Variants in ASPH observed in about 807,000 individuals in gnomAD.
The protein encoded by ASPH is aspartate beta-hydroxylase, also known as aspartyl/asparaginyl beta-hydroxylase.
A neutral mutation model predicts 118.4 loss-of-function variants in ASPH; 100 were observed. That is an observed-to-expected ratio of 0.84 (90% confidence interval 0.72 to 1.00). ASPH has a LOEUF of 1.00. Ranked by LOEUF, ASPH falls within the 50% of genes least tolerant of loss-of-function variation. ASPH has a pLI of 0.00. For synonymous variants in ASPH, 315 were observed against 325.6 expected, an observed-to-expected ratio of 0.97 and a Z score of 0.35; for missense variants, 920 against 919.5, an observed-to-expected ratio of 1.00 and a Z score of -0.01.
chr8:61,529,475 T>C (rs1046893392), intron 21 of ASPH, among the ~76,000 whole-genome samples: 2 of 152,028 alleles, frequency 1.3e-5, no homozygotes, highest in Non-Finnish European at 2.9e-5. Flanking sequence ...CCTGATGACA[T>C]GTGTTTGAAG....
At chr8:61,574,695 T>G (rs1237628326) in intron 16 of ASPH, among the ~76,000 whole-genome samples, 2 of 151,974 alleles carry the variant, frequency 1.3e-5, no homozygotes, top group Non-Finnish European at 2.9e-5. Context: ...CCGCGGCCTG[T>G]CGGGTGGGGG....
chr8:61,702,038 T>C (rs1163416763), intron 1 of ASPH, among the ~76,000 whole-genome samples: 6 of 152,150 alleles, frequency 3.9e-5, no homozygotes, highest in Non-Finnish European at 8.8e-5. Context: ...TACACAACTT[T>C]TTGCCAGTAA....
At chr8:61,650,994 A>G in intron 5 of ASPH, 56 bp downstream of exon 5, 1 of 1,492,552 alleles carries the variant, frequency 6.7e-7, no homozygotes, top group East Asian at 2.3e-5. Flanking sequence ...AAGTCATTTT[A>G]CATAACTAAG....
At chr8:61,541,681 T>C (rs949025970) in intron 21 of ASPH, among the ~76,000 whole-genome samples, 2 of 152,208 alleles carry the variant, frequency 1.3e-5, no homozygotes, top group African/African-American at 4.8e-5. Flanking sequence ...CGTTACTTTT[T>C]TTTTAAGTCA....
At chr8:61,541,320 C>T (rs548660176) in intron 21 of ASPH, among the ~76,000 whole-genome samples, 14 of 151,892 alleles carry the variant, frequency 9.2e-5, no homozygotes, top group Non-Finnish European at 1.8e-4. Flanking sequence ...GCTGAGATTG[C>T]GCCACTGCAC....
intron 14 of ASPH, chr8:61,606,615 C>T (rs887045461): frequency 2.0e-5 from 3 of 152,108 alleles, no homozygotes; most frequent in African/African-American, 7.2e-5. Flanking sequence ...AAATCCATTA[C>T]TTTAATTTCA....
intron 1 of ASPH, among the ~76,000 whole-genome samples, chr8:61,693,310 T>C (rs1833112579): frequency 2.0e-5 from 3 of 152,342 alleles, no homozygotes; most frequent in African/African-American, 4.8e-5. Flanking sequence ...CTTCACACCT[T>C]GTTTCTTGTT....
chr8:61,603,147 C>T (rs1262963905), intron 14 of ASPH, among the ~76,000 whole-genome samples: 6 of 131,122 alleles, frequency 4.6e-5, no homozygotes, highest in East Asian at 2.3e-4. Flanking sequence ...GAGCCGAGAT[C>T]GCACCACTGC....
intron 18 of ASPH, among the ~76,000 whole-genome samples, chr8:61,559,375 A>G (rs1828989138): frequency 6.6e-6 from 1 of 152,190 alleles, no homozygotes; most frequent in African/African-American, 2.4e-5. Flanking sequence ...TGGATTTTCA[A>G]CTGCCCAGGA....
chr8:61,617,556 GTC>G (rs1849463329), intron 14 of ASPH, among the ~76,000 whole-genome samples: 1 of 152,158 alleles, frequency 6.6e-6, no homozygotes, highest in Non-Finnish European at 1.5e-5. Context: ...ATAAAACAGA[GTC>G]AGCCAACGGT....
intron 24 of ASPH, among the ~76,000 whole-genome samples, chr8:61,509,802 G>T (rs571315571): frequency 8.5e-5 from 13 of 152,144 alleles, no homozygotes; most frequent in South Asian, 4.2e-4. Context: ...ATGTGAGTAG[G>T]GGGGGAGGGT....
intron 3 of ASPH, among the ~76,000 whole-genome samples, chr8:61,654,855 G>T (rs1402554675): frequency 1.3e-5 from 2 of 152,136 alleles, no homozygotes; most frequent in African/African-American, 2.4e-5. Flanking sequence ...TGTAAGACAG[G>T]CTGCAAAGGG....
chr8:61,642,677 A>G (rs1388708657), intron 10 of ASPH, among the ~76,000 whole-genome samples: 4 of 151,810 alleles, frequency 2.6e-5, no homozygotes, highest in African/African-American at 9.7e-5. Flanking sequence ...ATAAACCCTA[A>G]AATACTAAAA....
intron 1 of ASPH, among the ~76,000 whole-genome samples, chr8:61,690,186 A>T (rs558747665): frequency 6.6e-6 from 1 of 152,360 alleles, no homozygotes; most frequent in South Asian, 2.1e-4. Context: ...TCAGAATCTA[A>T]TAAAATGGCT....
Position 61,530,746 on chromosome 8 carries a change from G to A in ASPH, c.1765-4634C>T, listed in dbSNP as rs188538660. Reference sequence around the variant, plus strand: ...TTTTTTAAAGTCAAATATTACTACAGGTCTTATAATGAGAATTGCAGTCTC... The same window carrying A: ...TTTTTTAAAGTCAAATATTACTACAAGTCTTATAATGAGAATTGCAGTCTC... On this transcript the variant is annotated intron_variant, in intron 21 of 24. Transcript: ENST00000379454. Among the ~76,000 whole-genome samples, 48 of 152,102 alleles carry A rather than the reference G, an allele frequency of 3.2e-4. No individual in the cohort carries two copies. The Middle Eastern group carries it at 0.01, about 32-fold the overall frequency.
At chr8:61,527,903 C>T (rs1586585249) in intron 21 of ASPH, among the ~76,000 whole-genome samples, 1 of 152,234 alleles carries the variant, frequency 6.6e-6, no homozygotes, top group Admixed American at 6.5e-5. Context: ...TTTTCAAAAA[C>T]TGTTCTTTGA....
chr8:61,685,683 C>T (rs1830200226), intron 1 of ASPH, among the ~76,000 whole-genome samples: 1 of 151,790 alleles, frequency 6.6e-6, no homozygotes, highest in African/African-American at 2.4e-5. Context: ...AAAAATACAC[C>T]ACTAGATCAG....
chr8:61,641,255 ACTT>A (rs1156869126), intron 10 of ASPH, among the ~76,000 whole-genome samples: 2 of 152,294 alleles, frequency 1.3e-5, no homozygotes, highest in Non-Finnish European at 1.5e-5. Flanking sequence ...CTAATTTTAT[ACTT>A]CTTATGAGTT....
At chr8:61,517,345 T>C in intron 24 of ASPH, 183 bp downstream of exon 24, 1 of 810,610 alleles carries the variant, frequency 1.2e-6, no homozygotes, top group African/African-American at 1.7e-5. Context: ...AGCTGGGCAA[T>C]GTCTCCAGGC....
Sources: allele counts gnomAD v4.1 joint callset (sites outside exome capture counted in the v4.1 genomes callset), GRCh38; gene constraint gnomAD v4.1.1; transcripts MANE v1.5; gene names NCBI Gene and HGNC (gene_info 2026-07-23, HGNC 2026-07-21).